NOSTRIN: variants seen among roughly 807,000 people sequenced by gnomAD.
The protein encoded by NOSTRIN is BM247 homolog.
A neutral mutation model predicts 59.0 loss-of-function variants in NOSTRIN; 63 were observed. That is an observed-to-expected ratio of 1.07 (90% confidence interval 0.87 to 1.32). The LOEUF (loss-of-function observed/expected upper bound fraction) is 1.32. Ranked by LOEUF, NOSTRIN falls within the 40% of genes most tolerant of loss-of-function variation. The probability of loss-of-function intolerance (pLI) is 0.00; values close to 1 mark genes in which losing one functional copy is unlikely to be tolerated. For synonymous variants in NOSTRIN, 200 were observed against 165.4 expected, an observed-to-expected ratio of 1.21 and a Z score of -1.61; for missense variants, 512 against 473.1, an observed-to-expected ratio of 1.08 and a Z score of -0.76.
intron 5 of NOSTRIN, among the ~76,000 whole-genome samples, chr2:168,829,782 T>G (rs1016958356): frequency 6.6e-6 from 1 of 152,138 alleles, no homozygotes; most frequent in South Asian, 2.1e-4. Context: ...CATGACCAGG[T>G]GCAGGTAAGA....
At chr2:168,840,215 G>T (rs543260232) in intron 7 of NOSTRIN, among the ~76,000 whole-genome samples, 3 of 151,900 alleles carry the variant, frequency 2.0e-5, no homozygotes, top group African/African-American at 7.3e-5. Context: ...AGACACATGT[G>T]GTTCATTAAA....
chr2:168,810,600 C>T (rs1194843367), intron 1 of NOSTRIN, among the ~76,000 whole-genome samples: 2 of 152,096 alleles, frequency 1.3e-5, no homozygotes, highest in Non-Finnish European at 1.5e-5. Context: ...TGAATGCTGG[C>T]GATATTTGAA....
chr2:168,794,809 G>C (rs772400477), upstream of NOSTRIN, among the ~76,000 whole-genome samples: 37 of 151,322 alleles, frequency 2.4e-4, no homozygotes, highest in Non-Finnish European at 4.9e-4. Context: ...TGCCTAGGCA[G>C]GTCTCAAACT....
intron 2 of NOSTRIN, among the ~76,000 whole-genome samples, chr2:168,793,048 A>G (rs1422246306): frequency 1.3e-5 from 2 of 152,294 alleles, no homozygotes; most frequent in East Asian, 1.9e-4. Context: ...CATGGAAGCC[A>G]TAGAGAATGG....
In NOSTRIN at chr2:168,828,776, A is replaced by G. The variant is rs77611988; in HGVS notation, c.342+275A>G. 9.9e-5 allele frequency among the ~76,000 whole-genome samples: 15 copies of G among 152,270 alleles called. No homozygotes were observed. In the East Asian group the frequency reaches 2.7e-3, roughly 27 times the overall value. On this transcript the variant is annotated intron_variant, in intron 5 of 15. Transcript: ENST00000317647. ...AAATTGTGATAAATTCAAGCAATAG[A>G]ATAATTTGCAATGATTCAAAATCTT...
intron 10 of NOSTRIN, among the ~76,000 whole-genome samples, chr2:168,853,928 C>T (rs149800806): frequency 0.016 from 2,385 of 152,242 alleles, 69 homozygotes; most frequent in African/African-American, 0.054. Flanking sequence ...AGTGTAGTGG[C>T]ACAATGTCAG....
At position 168,834,507 on chromosome 2, in the gene NOSTRIN, G is replaced by GCACACACA. The variant is rs1553527194; in HGVS notation, c.504+210_504+217dup. ...TACTGGCGTGCGCGCGCGCGCGCGC[G>GCACACACA]CACACACACACACACACACACACAC... On this transcript the variant is annotated intron_variant, in intron 7 of 15. Coordinates refer to ENST00000317647, the MANE Select transcript of NOSTRIN (RefSeq NM_001039724.4). 6.4e-3 allele frequency among the ~76,000 whole-genome samples: 807 copies of GCACACACA among 125,342 alleles called. 8 individuals are homozygous for GCACACACA. The highest frequency in any genetic ancestry group is 7.0e-3 in the Admixed American group (91 of 13,066). The allele number at this position is 125,342 out of a possible 152,430, so 82.2% of individuals were successfully genotyped here.
intron 10 of NOSTRIN, among the ~76,000 whole-genome samples, chr2:168,851,684 G>A (rs1688777111): frequency 6.6e-6 from 1 of 152,190 alleles, no homozygotes; most frequent in South Asian, 2.1e-4. Flanking sequence ...ATGTTTCAAT[G>A]ACCTATAATT....
chr2:168,855,941 G>A (rs1291571407), intron 11 of NOSTRIN: 3 of 451,108 alleles, frequency 6.7e-6, no homozygotes, highest in African/African-American at 2.0e-5. Context: ...TGACAAAAAC[G>A]ACTCCACATT....
chr2:168,811,140 C>T lies in NOSTRIN; in HGVS notation c.28-427C>T, dbSNP rs557427195. On this transcript the variant is annotated intron_variant, in intron 1 of 15. Coordinates refer to ENST00000317647, the MANE Select transcript of NOSTRIN (RefSeq NM_001039724.4). ...ATATCTCAGACAAGAAAGGCTCACT[C>T]TAATGGCTCATGGTTTGTCATGAGC... 2.6e-5 allele frequency among the ~76,000 whole-genome samples: 4 copies of T among 152,258 alleles called. No homozygotes were observed. In the South Asian group the frequency reaches 8.3e-4, roughly 32 times the overall value.
chr2:168,791,510 A>G (rs1685351724), intron 2 of NOSTRIN, among the ~76,000 whole-genome samples: 1 of 152,192 alleles, frequency 6.6e-6, no homozygotes, highest in South Asian at 2.1e-4. Context: ...TATACCCAGT[A>G]ATGGCATGGC....
At position 168,859,524 on chromosome 2, in the gene NOSTRIN, C is replaced by T. The variant is rs780589119; in HGVS notation, c.1066C>T (p.Leu356=). 1.2e-6 allele frequency: 2 copies of T among 1,613,904 alleles called. No homozygotes were observed. Among genetic ancestry groups the T allele is most frequent in the African/African-American group, 2.7e-5 (2 of 74,920 alleles). Residue 356 remains leucine, a synonymous_variant, in exon 13 of 16, where the codon CTA becomes TTA. Coordinates refer to ENST00000317647, the MANE Select transcript of NOSTRIN (RefSeq NM_001039724.4). ...GATGTATCCACAGAACAATTTGAAA[C>T]TAGACCTTTTGGAAGCGAACTCCTA... is the stretch of plus-strand genomic sequence containing the variant. ...AALMDENNLK[L]DLLEANSYKL... is the part of the protein sequence containing the mutation.
At chr2:168,836,535 A>G (rs138649571) in intron 7 of NOSTRIN, among the ~76,000 whole-genome samples, 1 of 152,186 alleles carries the variant, frequency 6.6e-6, no homozygotes, top group Non-Finnish European at 1.5e-5. Flanking sequence ...AGAAGCGCTC[A>G]TGATCACCTG....
chr2:168,798,344 G>C (rs1225274257), upstream of NOSTRIN: 1 of 152,188 alleles, frequency 6.6e-6, no homozygotes, highest in Non-Finnish European at 1.5e-5. Context: ...TCCAAGGCAA[G>C]TTTTGAATTG....
At chr2:168,844,294 C>T (rs1688270614) in intron 8 of NOSTRIN, among the ~76,000 whole-genome samples, 2 of 152,088 alleles carry the variant, frequency 1.3e-5, no homozygotes, top group African/African-American at 4.8e-5. Context: ...CAGTACAACC[C>T]CAGGCTCTAC....
At chr2:168,812,376 T>C (rs1686189233) in intron 2 of NOSTRIN, among the ~76,000 whole-genome samples, 2 of 152,316 alleles carry the variant, frequency 1.3e-5, no homozygotes, top group African/African-American at 4.8e-5. Context: ...AGACCAAAGA[T>C]GCCATGGATT....
At chr2:168,820,189 G>C (rs1686651102) in intron 2 of NOSTRIN, among the ~76,000 whole-genome samples, 1 of 152,206 alleles carries the variant, frequency 6.6e-6, no homozygotes, top group South Asian at 2.1e-4. Flanking sequence ...TCCCCAGCCA[G>C]ACTGCCCAGG....
chr2:168,844,472 C>T (rs1018932980), intron 8 of NOSTRIN, among the ~76,000 whole-genome samples: 1 of 152,094 alleles, frequency 6.6e-6, no homozygotes, highest in African/African-American at 2.4e-5. Context: ...ACTTGGTGCT[C>T]AGTGCTCCTC....
At chr2:168,860,693 CA>C in intron 13 of NOSTRIN, 101 bp from the exon 14 acceptor site, 1 of 710,506 alleles carries the variant, frequency 1.4e-6, no homozygotes. Context: ...AAAAAACAAA[CA>C]GAAAAAACAA....
Sources: allele counts gnomAD v4.1 joint callset (sites outside exome capture counted in the v4.1 genomes callset), GRCh38; gene constraint gnomAD v4.1.1; transcripts MANE v1.5; gene names NCBI Gene and HGNC (gene_info 2026-07-23, HGNC 2026-07-21).